The following CPNE8 variants were observed in gnomAD, a reference collection of about 807,000 sequenced individuals.
CPNE8 encodes the protein copine-8.
In CPNE8, 45 loss-of-function variants were observed where a neutral mutation model predicts 81.5. The ratio of observed to expected loss-of-function variants is 0.55; its 90% CI spans 0.44 to 0.71. The LOEUF (loss-of-function observed/expected upper bound fraction) is 0.71, where lower values mean the gene tolerates loss of function less well. CPNE8 is among the 30% of genes least tolerant of loss of function. CPNE8 has a pLI of 0.00. For synonymous variants in CPNE8, 252 were observed against 226.3 expected, an observed-to-expected ratio of 1.11 and a Z score of -1.02; for missense variants, 594 against 672.1, an observed-to-expected ratio of 0.88 and a Z score of 1.28.
chr12:38,740,239 C>G (rs1459393691), intron 10 of CPNE8, among the ~76,000 whole-genome samples: 1 of 152,126 alleles, frequency 6.6e-6, no homozygotes, highest in Non-Finnish European at 1.5e-5. Context: ...GATTTTTGCA[C>G]ATTGATTTTG....
At chr12:38,863,911 T>C (rs947947368) in intron 3 of CPNE8, among the ~76,000 whole-genome samples, 4 of 151,602 alleles carry the variant, frequency 2.6e-5, no homozygotes, top group African/African-American at 7.3e-5. Flanking sequence ...AAAATTAGCC[T>C]GGCATGGTGG....
chr12:38,778,344 G>A (rs1278249968), intron 6 of CPNE8, among the ~76,000 whole-genome samples: 1 of 152,144 alleles, frequency 6.6e-6, no homozygotes, highest in Non-Finnish European at 1.5e-5. Context: ...ACATATCACT[G>A]TTGCTAAGTA....
At chr12:38,669,061 AAT>A (rs1939119139) in intron 19 of CPNE8, among the ~76,000 whole-genome samples, 1 of 152,016 alleles carries the variant, frequency 6.6e-6, no homozygotes, top group Non-Finnish European at 1.5e-5. Flanking sequence ...CAAAAAAAAA[AAT>A]AAAATAAATA....
chr12:38,887,022 T>C (rs1159633442), intron 1 of CPNE8, among the ~76,000 whole-genome samples: 1 of 152,064 alleles, frequency 6.6e-6, no homozygotes, highest in Non-Finnish European at 1.5e-5. Context: ...AAGGACCACA[T>C]AGAACCACAA....
intron 10 of CPNE8, among the ~76,000 whole-genome samples, chr12:38,753,714 A>G (rs1410206822): frequency 6.6e-6 from 1 of 152,136 alleles, no homozygotes; most frequent in East Asian, 1.9e-4. Context: ...ATGACCTGTA[A>G]GTTAGGTGAG....
intron 8 of CPNE8, among the ~76,000 whole-genome samples, chr12:38,764,994 T>A (rs1043852744): frequency 6.6e-6 from 1 of 152,216 alleles, no homozygotes; most frequent in African/African-American, 2.4e-5. Flanking sequence ...TAAATCAAAA[T>A]TTCTCTTATA....
At chr12:38,775,933 T>C (rs1356923757) in intron 7 of CPNE8, among the ~76,000 whole-genome samples, 7 of 152,208 alleles carry the variant, frequency 4.6e-5, no homozygotes. Flanking sequence ...TTTGCAGTAA[T>C]TGAACTGATT....
chr12:38,863,042 C>T (rs1943862645), intron 3 of CPNE8, among the ~76,000 whole-genome samples: 1 of 152,102 alleles, frequency 6.6e-6, no homozygotes, highest in Admixed American at 6.5e-5. Flanking sequence ...AGATAACCAT[C>T]AAAGGCAGAA....
intron 13 of CPNE8, among the ~76,000 whole-genome samples, chr12:38,721,672 A>G (rs1368210179): frequency 2.0e-5 from 3 of 152,192 alleles, no homozygotes; most frequent in South Asian, 4.1e-4. Context: ...TGTTGCAGGC[A>G]TAGAGAAGGA....
intron 6 of CPNE8, among the ~76,000 whole-genome samples, chr12:38,803,528 A>G (rs948595689): frequency 2.1e-5 from 3 of 143,782 alleles, no homozygotes; most frequent in African/African-American, 7.6e-5. Flanking sequence ...AGAGCTATCT[A>G]TGACAAACCC....
intron 6 of CPNE8, among the ~76,000 whole-genome samples, chr12:38,821,338 G>T (rs1943106383): frequency 6.6e-6 from 1 of 152,084 alleles, no homozygotes; most frequent in African/African-American, 2.4e-5. Context: ...TCCTAGTAAA[G>T]ATTTGTTGAA....
At chr12:38,762,787 G>A (rs1006665345) in intron 8 of CPNE8, among the ~76,000 whole-genome samples, 2 of 152,158 alleles carry the variant, frequency 1.3e-5, no homozygotes, top group African/African-American at 4.8e-5. Context: ...AAGGTTGTCT[G>A]GTAAAGGAAA....
chr12:38,834,000 G>C lies in CPNE8; in HGVS notation c.331-4545C>G, dbSNP rs180995733. ...CAAGGAAAAGCAAGAGAGACAGCAG[G>C]TTAGAGCAGGGTGAGCAATGATGAG... On this transcript the variant is annotated intron_variant, in intron 5 of 19. Coordinates refer to ENST00000331366, the MANE Select transcript of CPNE8 (RefSeq NM_153634.3). Among the ~76,000 whole-genome samples, 385 of 152,250 alleles carry C rather than the reference G, an allele frequency of 2.5e-3. 9 individuals are homozygous for C. Among genetic ancestry groups the C allele is most frequent in the Admixed American group, 0.024 (372 of 15,302 alleles).
chr12:38,822,820 CAG>C (rs1191426236), intron 6 of CPNE8, among the ~76,000 whole-genome samples: 1 of 152,086 alleles, frequency 6.6e-6, no homozygotes, highest in African/African-American at 2.4e-5. Context: ...AAGTTAGTAG[CAG>C]AGATAGGACT....
chr12:38,839,525 C>CAA (rs928688385), intron 5 of CPNE8, among the ~76,000 whole-genome samples: 3 of 145,884 alleles, frequency 2.1e-5, no homozygotes, highest in Admixed American at 6.9e-5. Context: ...AAACAAACTA[C>CAA]AAAAAAAAAA....
chr12:38,695,415 A>G (rs1369002710), intron 14 of CPNE8, among the ~76,000 whole-genome samples: 1 of 152,198 alleles, frequency 6.6e-6, no homozygotes, highest in Non-Finnish European at 1.5e-5. Context: ...CTTTTCCAGT[A>G]GCTCACCTCA....
intron 6 of CPNE8, among the ~76,000 whole-genome samples, chr12:38,781,357 T>C (rs1252789049): frequency 2.0e-5 from 3 of 151,982 alleles, no homozygotes; most frequent in African/African-American, 7.2e-5. Flanking sequence ...AAATATTGTA[T>C]GTAATTATAT....
intron 3 of CPNE8, among the ~76,000 whole-genome samples, chr12:38,865,041 T>C (rs967264760): frequency 3.9e-5 from 6 of 152,130 alleles, no homozygotes; most frequent in African/African-American, 1.4e-4. Flanking sequence ...TAAAAGAGAA[T>C]AGCCAAATGG....
chr12:38,880,242 G>A (rs1247707222), intron 1 of CPNE8, among the ~76,000 whole-genome samples: 1 of 152,114 alleles, frequency 6.6e-6, no homozygotes, highest in Non-Finnish European at 1.5e-5. Context: ...AAATTATTAA[G>A]GGCCTTTTAT....
Sources: allele counts gnomAD v4.1 joint callset (sites outside exome capture counted in the v4.1 genomes callset), GRCh38; gene constraint gnomAD v4.1.1; transcripts MANE v1.5; gene names NCBI Gene and HGNC (gene_info 2026-07-23, HGNC 2026-07-21).